Variants in COL11A2 observed in about 807,000 individuals in gnomAD.
COL11A2 encodes collagen alpha-2(XI) chain.
Under a neutral mutation model 273.4 loss-of-function variants are expected in COL11A2, and 116 were observed. That is an observed-to-expected ratio of 0.42 (90% CI 0.36 to 0.49). The LOEUF is 0.49. Among genes scored for constraint, COL11A2 ranks in the 20% least tolerant of loss-of-function variants. The pLI is 0.00. For synonymous variants in COL11A2, 782 were observed against 864.2 expected (o/e 0.90, Z 1.67); for missense variants, 1,866 against 2,309.0 (o/e 0.81, Z 3.93).
At position 33,163,105 on chromosome 6, in the gene COL11A2, C is replaced by T. The variant is rs1314491393; in HGVS notation, c.*573G>A. ...CCTGGCAGAGTCAGAGCCCTGAGGC[C>T]AGGGAGACCACATATTCCAACTTTC... On this transcript the variant is annotated 3_prime_UTR_variant, in exon 66 of 66. Transcript: ENST00000341947. The surrounding 1 kb of genome is among the most constrained non-coding windows in gnomAD (Gnocchi z 4.1). 6.4e-6 allele frequency: 1 copy of T among 156,584 alleles called. No homozygotes were observed. The highest frequency in any genetic ancestry group is 2.5e-5 in the African/African-American group (1 of 40,452). 9.7% of individuals were successfully genotyped at this position (156,584 alleles called of 1,614,324 possible).
rs150748098 is a variant in COL11A2 at position 33,185,036 on chromosome 6, C to T, written c.895G>A (p.Glu299Lys). 3.2e-6 allele frequency: 5 copies of T among 1,551,278 alleles called. No individual in the cohort carries two copies. The highest frequency in any genetic ancestry group is 4.4e-6 in the Non-Finnish European group (5 of 1,146,808). ...PDYQDPTPGE[E>K]EEILESSLLP... is the part of the protein sequence containing the mutation. ...AGGCTCGACTCCAGGATTTCTTCCTCTTCACCTGGGGTGGGGTCCTGACCC... is the reference window on the plus strand; with the variant it reads ...AGGCTCGACTCCAGGATTTCTTCCTTTTCACCTGGGGTGGGGTCCTGACCC... The change falls in exon 7 of 66, where the codon GAG becomes AAG. Residue 299 changes from glutamate to lysine, a missense_variant. Physicochemically the swap from Glu to Lys is moderately conservative, Grantham distance 56 (BLOSUM62 1). Transcript: ENST00000341947.
rs377409299 is a variant in COL11A2, at chr6:33,177,367, A to G, written c.1971+45T>C. 2.2e-3 allele frequency: 3,572 copies of G among 1,610,422 alleles called. 93 individuals carry two copies. In the South Asian group the frequency reaches 0.033, roughly 15 times the overall value. Reference sequence around the variant, plus strand: ...GGGTCTCACCCATTGTGGAAGCCCAAGGGAAGTCATGAAAATTGGGGAACG... The same window carrying G: ...GGGTCTCACCCATTGTGGAAGCCCAGGGGAAGTCATGAAAATTGGGGAACG... On this transcript the variant is annotated intron_variant, in intron 23 of 65. Transcript: ENST00000341947. This position sits in a 1 kb window ranked among gnomAD's most constrained non-coding sequence, Gnocchi z 5.9.
intron 8 of COL11A2, among the ~76,000 whole-genome samples, chr6:33,182,489 C>T (rs1291833402): frequency 6.6e-6 from 1 of 151,754 alleles, no homozygotes; most frequent in Non-Finnish European, 1.5e-5. Flanking sequence ...AAACAGGCAG[C>T]TTATTTGAGG....
At position 33,190,687 on chromosome 6, in the gene COL11A2, A is replaced by G. The variant is rs1773000621; in HGVS notation, c.83-1218T>C. ...CGGGAAACCACGGCCTTCCCCCCCA[A>G]CCCCCACCTAAGCCTGGCCCCTGCG... On this transcript the variant is annotated intron_variant, in intron 1 of 65. Coordinates refer to ENST00000341947, the MANE Select transcript of COL11A2 (RefSeq NM_080680.3). The surrounding 1 kb of genome is among the most constrained non-coding windows in gnomAD (Gnocchi z 4.5). 6.6e-6 allele frequency among the ~76,000 whole-genome samples: 1 copy of G among 151,738 alleles called. No individual in the cohort carries two copies. Among genetic ancestry groups the G allele is most frequent in the Non-Finnish European group, 1.5e-5 (1 of 67,940 alleles).
rs1001222814 is a variant in COL11A2, at chr6:33,188,872, G to A, written c.443+106C>T. On this transcript the variant is annotated intron_variant, in intron 3 of 65. Coordinates refer to ENST00000341947, the MANE Select transcript of COL11A2 (RefSeq NM_080680.3). ...AGTTTGGGCAGTGGGTAGGTGTGGT[G>A]TGGCCCAAAGGGTCTCAAGGGTTTC... 8.5e-6 allele frequency: 11 copies of A among 1,295,232 alleles called. No individual in the cohort carries two copies. The African/African-American group carries it at 1.3e-4, about 15-fold the overall frequency. The allele number at this position is 1,295,232 out of a possible 1,614,324, so 80.2% of individuals were successfully genotyped here. A position where few individuals can be genotyped will look rare whatever the true frequency, so the allele number is the denominator to read the frequency against.
At chr6:33,180,906 G>A (rs1771646683) in intron 10 of COL11A2, 58 bp downstream of exon 10, 1 of 1,603,762 alleles carries the variant, frequency 6.2e-7, no homozygotes, top group Non-Finnish European at 8.5e-7. Flanking sequence ...AGGCTCAGAT[G>A]AGCACATAGA....
chr6:33,192,567 C>T (rs893824912), upstream of COL11A2: 115 of 481,398 alleles, frequency 2.4e-4, no homozygotes, highest in South Asian at 2.5e-3. Flanking sequence ...AGGGAAACCC[C>T]ACCCTCAGTC....
At chr6:33,172,465 C>T (rs1448177260) in intron 39 of COL11A2, 65 bp downstream of exon 39, 18 of 1,571,750 alleles carry the variant, frequency 1.1e-5, no homozygotes, top group Non-Finnish European at 1.6e-5. Context: ...TCTCCAACTA[C>T]CTGTTCCTTT....
rs375937729 is a variant in COL11A2 at position 33,188,424 on chromosome 6, C to A, written c.544G>T (p.Val182Leu). The A allele has an allele frequency of 1.2e-6, 2 of 1,613,030 alleles. No individual in the cohort carries two copies. Among genetic ancestry groups the A allele is most frequent in the Admixed American group, 1.7e-5 (1 of 60,028 alleles). The part of the protein sequence containing the change: ...TRPLPRSARP[V>L]LDTHGVIIFG... Reference sequence around the variant, plus strand: ...ATGATCACTCCATGGGTGTCCAATACTGGACGAGCACTTCGGGGGAGAGGC... The same window carrying A: ...ATGATCACTCCATGGGTGTCCAATAATGGACGAGCACTTCGGGGGAGAGGC... The change falls in exon 4 of 66, where the codon GTA becomes TTA. Residue 182 changes from valine to leucine, a missense_variant. Transcript: ENST00000341947.
chr6:33,181,993 G>A (rs1329470767), intron 8 of COL11A2, among the ~76,000 whole-genome samples: 1 of 152,226 alleles, frequency 6.6e-6, no homozygotes, highest in Non-Finnish European at 1.5e-5. Flanking sequence ...ATAAAAGCTA[G>A]GCCGGGCGAG....
rs1465222381 is a variant in COL11A2, at chr6:33,163,672, A to ACGGT, written c.*2_*5dup. On this transcript the variant is annotated 3_prime_UTR_variant, in exon 66 of 66. Coordinates refer to ENST00000341947, the MANE Select transcript of COL11A2 (RefSeq NM_080680.3). This position sits in a 1 kb window ranked among gnomAD's most constrained non-coding sequence, Gnocchi z 4.1. ...TCCGAATGGACAGGATCAGACAGAG[A>ACGGT]CGGTCCTATCCCATGAAGCAGACAG... 9.3e-6 allele frequency: 15 copies of ACGGT among 1,612,918 alleles called. No individual in the cohort carries two copies. Among genetic ancestry groups the ACGGT allele is most frequent in the Non-Finnish European group, 1.3e-5 (15 of 1,179,988 alleles).
rs920586059 is a variant in COL11A2, at chr6:33,171,483, C to G, written c.3242G>C (p.Gly1081Ala). Residue 1081 changes from glycine to alanine, a missense_variant, in exon 43 of 66, where the codon GGA becomes GCA. Transcript: ENST00000341947. ...PGPAGPPGVA[G>A]EDGDKGEVGD... ...TCCCCTCACCTTGTCTCCATCCTCT[C>G]CAGCCACACCTGGAGGCCCAGCAGG... The G allele has an allele frequency of 6.2e-7, 1 of 1,613,862 alleles. No homozygotes were observed. The highest frequency in any genetic ancestry group is 1.3e-5 in the African/African-American group (1 of 74,874).
chr6:33,163,308 T>G lies in COL11A2; in HGVS notation c.*370A>C, dbSNP rs945254017. 9 of 269,684 alleles carry G rather than the reference T, an allele frequency of 3.3e-5. No homozygotes were observed. Among genetic ancestry groups the G allele is most frequent in the Non-Finnish European group, 4.9e-5 (7 of 141,836 alleles). The allele number at this position is 269,684 out of a possible 1,614,324, so 16.7% of individuals were successfully genotyped here. On this transcript the variant is annotated 3_prime_UTR_variant, in exon 66 of 66. Transcript: ENST00000341947. The surrounding 1 kb of genome is among the most constrained non-coding windows in gnomAD (Gnocchi z 4.1). Reference sequence around the variant, plus strand: ...GATTTTTGTTGGCGTTTCTCTTTTTTGTTATTTTGCTTTCCACACTTTAAA... The same window carrying G: ...GATTTTTGTTGGCGTTTCTCTTTTTGGTTATTTTGCTTTCCACACTTTAAA...
chr6:33,167,699 C>A lies in COL11A2; in HGVS notation c.4014+100G>T. ...AACGCCTGTCCCCATAAGGGCCCAA[C>A]ATGGGAGAGGTGGAGATGGGGTGGG... On this transcript the variant is annotated intron_variant, in intron 55 of 65. Transcript: ENST00000341947. This position sits in a 1 kb window ranked among gnomAD's most constrained non-coding sequence, Gnocchi z 6.1. The A allele has an allele frequency of 5.3e-6, 8 of 1,518,956 alleles. No individual in the cohort carries two copies. Among genetic ancestry groups the A allele is most frequent in the Non-Finnish European group, 6.3e-6 (7 of 1,103,526 alleles). 94.1% of individuals were successfully genotyped at this position (1,518,956 alleles called of 1,614,324 possible). A position where few individuals can be genotyped will look rare whatever the true frequency, so the allele number is the denominator to read the frequency against.
At chr6:33,181,260 T>C in intron 8 of COL11A2, 90 bp from the exon 9 acceptor site, 11 of 1,373,782 alleles carry the variant, frequency 8.0e-6, no homozygotes, top group Non-Finnish European at 1.0e-5. Context: ...CCTTGATTCT[T>C]AGATCCTCTC....
Position 33,163,381 on chromosome 6 carries a change from C to T in COL11A2, c.*297G>A, listed in dbSNP as rs1315971056. On this transcript the variant is annotated 3_prime_UTR_variant, in exon 66 of 66. Coordinates refer to ENST00000341947, the MANE Select transcript of COL11A2 (RefSeq NM_080680.3). The surrounding 1 kb of genome is among the most constrained non-coding windows in gnomAD (Gnocchi z 4.1). ...ATACAAAATACGCCATGTCCTTTCT[C>T]TTCTCTTCCATTTGTTTGGGGTGAT... 1.1e-5 allele frequency: 6 copies of T among 528,614 alleles called. No individual in the cohort carries two copies. Among genetic ancestry groups the T allele is most frequent in the Non-Finnish European group, 2.0e-5 (6 of 296,338 alleles). The allele number at this position is 528,614 out of a possible 1,614,324, so 32.7% of individuals were successfully genotyped here. A position where few individuals can be genotyped will look rare whatever the true frequency, so the allele number is the denominator to read the frequency against.
upstream of COL11A2, chr6:33,192,538 G>A: frequency 2.3e-6 from 1 of 438,222 alleles, no homozygotes; most frequent in Non-Finnish European, 3.9e-6. Context: ...GCCTCCAGCC[G>A]CCCGCCCACA....
chr6:33,170,634 G>T lies in COL11A2; in HGVS notation c.3475-24C>A. 7 of 1,612,458 alleles carry T rather than the reference G, an allele frequency of 4.3e-6. No homozygotes were observed. The highest frequency in any genetic ancestry group is 5.9e-6 in the Non-Finnish European group (7 of 1,179,722). On this transcript the variant is annotated intron_variant, in intron 46 of 65. Coordinates refer to ENST00000341947, the MANE Select transcript of COL11A2 (RefSeq NM_080680.3). The surrounding 1 kb of genome is among the most constrained non-coding windows in gnomAD (Gnocchi z 4.3). ...CCCTGTGCAAGTATACAAAACATGG[G>T]CCCAGGTGACGACCCCACCCAAAGC...
rs1239728830 is a variant in COL11A2 at position 33,177,403 on chromosome 6, A to G, written c.1971+9T>C. 3.1e-6 allele frequency: 5 copies of G among 1,612,820 alleles called. No homozygotes were observed. The highest frequency in any genetic ancestry group is 2.2e-5 in the East Asian group (1 of 44,878). ...GAAAATTGGGGAACGGAGTAGGGGC[A>G]CCGCTCACCTGGGTCCCAGGGGTGC... On this transcript the variant is annotated intron_variant, in intron 23 of 65. Transcript: ENST00000341947. The surrounding 1 kb of genome is among the most constrained non-coding windows in gnomAD (Gnocchi z 5.9).
Sources: gnomAD v4.1 joint callset for allele counts (sites outside exome capture counted in the v4.1 genomes callset) on GRCh38, gnomAD v4.1.1 for gene constraint, Gnocchi (gnomAD v3.1) non-coding constraint, MANE v1.5 for transcripts, NCBI Gene and HGNC (gene_info 2026-07-23, HGNC 2026-07-21) for gene names.